Variants in SLIT1 observed in about 807,000 individuals in gnomAD.
The protein encoded by SLIT1 is slit guidance ligand 1.
A neutral mutation model predicts 186.1 loss-of-function variants in SLIT1; 66 were observed. The observed-to-expected ratio is 0.35, with a 90% CI of 0.29 to 0.44. The LOEUF (loss-of-function observed/expected upper bound fraction) is 0.44, where lower values mean the gene tolerates loss of function less well. Ranked by LOEUF, SLIT1 falls within the 20% of genes least tolerant of loss-of-function variation. The pLI, the probability that SLIT1 is intolerant of heterozygous loss-of-function variation, is 1.00. For synonymous variants in SLIT1, 761 were observed against 833.8 expected, an observed-to-expected ratio of 0.91 and a Z score of 1.50; for missense variants, 1,638 against 2,037.4, an observed-to-expected ratio of 0.80 and a Z score of 3.77.
rs1433713497 is a variant in SLIT1, at chr10:97,004,093, G to A, written c.3840C>T (p.Asn1280=). Residue 1280 remains asparagine, a synonymous_variant, in exon 34 of 37, where the codon AAC becomes AAT. Coordinates refer to ENST00000266058, the MANE Select transcript of SLIT1 (RefSeq NM_003061.3). This position sits in a 1 kb window ranked among gnomAD's most constrained non-coding sequence, Gnocchi z 5.1. The part of the protein sequence containing the change: ...MDNFGKHYTL[N]SEAPLYVGGM... ...CTCCCACATAGAGTGGCGCCTCGCTGTTGAGCGTGTAATGTTTGCCAAAGT... is the reference window on the plus strand; with the variant it reads ...CTCCCACATAGAGTGGCGCCTCGCTATTGAGCGTGTAATGTTTGCCAAAGT... The A allele has an allele frequency of 1.9e-6, 3 of 1,612,446 alleles. No homozygotes were observed. Among genetic ancestry groups the A allele is most frequent in the Middle Eastern group, 1.7e-4 (1 of 6,054 alleles).
At chr10:97,080,640 T>C (rs1280067391) in intron 4 of SLIT1, among the ~76,000 whole-genome samples, 1 of 152,200 alleles carries the variant, frequency 6.6e-6, no homozygotes, top group Non-Finnish European at 1.5e-5. Flanking sequence ...TTCACTATAG[T>C]TCAAACACCC....
At chr10:97,180,638 A>G (rs969306063) in intron 1 of SLIT1, among the ~76,000 whole-genome samples, 2 of 152,210 alleles carry the variant, frequency 1.3e-5, no homozygotes, top group Non-Finnish European at 2.9e-5. Flanking sequence ...AAACCTAGGC[A>G]GTCTGGCTTC....
chr10:97,069,210 A>G (rs1848980376), intron 4 of SLIT1, among the ~76,000 whole-genome samples: 1 of 152,240 alleles, frequency 6.6e-6, no homozygotes, highest in South Asian at 2.1e-4. Context: ...ACTGGAGCTC[A>G]TGGTCATGCG....
At chr10:97,064,113 C>T in intron 7 of SLIT1, 55 bp downstream of exon 7, 2 of 1,427,876 alleles carry the variant, frequency 1.4e-6, no homozygotes, top group Non-Finnish European at 9.7e-7. Flanking sequence ...CCCACCCACC[C>T]CCTGGCATCA....
intron 2 of SLIT1, among the ~76,000 whole-genome samples, chr10:97,164,225 C>G (rs549991884): frequency 1.7e-4 from 26 of 152,364 alleles, no homozygotes; most frequent in African/African-American, 5.8e-4. Flanking sequence ...CCTCTCCACC[C>G]GCAAGCAGGT....
chr10:97,103,899 G>A (rs1346367062), intron 4 of SLIT1, among the ~76,000 whole-genome samples: 1 of 152,122 alleles, frequency 6.6e-6, no homozygotes, highest in Non-Finnish European at 1.5e-5. Context: ...TGCAAGATGA[G>A]GATGATGACA....
At chr10:97,101,209 AGAG>A (rs1325667261) in intron 4 of SLIT1, 1 of 152,212 alleles carries the variant, frequency 6.6e-6, no homozygotes, top group Admixed American at 6.5e-5. Flanking sequence ...GAGTGTCTGC[AGAG>A]GAGAATAGAG....
chr10:97,079,054 G>T (rs1340159681), intron 4 of SLIT1, among the ~76,000 whole-genome samples: 1 of 152,180 alleles, frequency 6.6e-6, no homozygotes, highest in Non-Finnish European at 1.5e-5. Context: ...GAAAACCCTG[G>T]GCTTGACTCC....
intron 3 of SLIT1, among the ~76,000 whole-genome samples, chr10:97,162,961 C>G (rs1043677662): frequency 3.3e-5 from 5 of 152,234 alleles, no homozygotes; most frequent in African/African-American, 1.2e-4. Context: ...GTACTGTGGC[C>G]CTGTGCACCT....
intron 4 of SLIT1, among the ~76,000 whole-genome samples, chr10:97,117,198 A>G (rs560060293): frequency 6.3e-4 from 96 of 152,334 alleles, no homozygotes; most frequent in African/African-American, 2.3e-3. Context: ...TTCCAGGGAC[A>G]TGAGTTCTGA....
intron 4 of SLIT1, among the ~76,000 whole-genome samples, chr10:97,143,418 T>G (rs1398124834): frequency 6.6e-6 from 1 of 152,222 alleles, no homozygotes; most frequent in Non-Finnish European, 1.5e-5. Context: ...TCATATGAGG[T>G]ATCTAAAGTA....
intron 20 of SLIT1, among the ~76,000 whole-genome samples, chr10:97,041,813 T>G (rs992747343): frequency 1.1e-4 from 16 of 152,142 alleles, no homozygotes; most frequent in Non-Finnish European, 1.8e-4. Flanking sequence ...TGTCCTTGGT[T>G]GTTGTTGTTT....
intron 4 of SLIT1, among the ~76,000 whole-genome samples, chr10:97,136,059 G>A (rs749246938): frequency 6.6e-5 from 10 of 152,126 alleles, no homozygotes; most frequent in Non-Finnish European, 1.0e-4. Flanking sequence ...TCTGCATTTG[G>A]CATTGGTGAT....
intron 25 of SLIT1, among the ~76,000 whole-genome samples, chr10:97,023,248 A>G (rs1194728313): frequency 7.3e-6 from 1 of 137,288 alleles, no homozygotes; most frequent in Non-Finnish European, 1.5e-5. Context: ...TATTTTTAGT[A>G]GAGATGGAGG....
At chr10:97,127,083 G>T (rs1423036552) in intron 4 of SLIT1, among the ~76,000 whole-genome samples, 2 of 151,850 alleles carry the variant, frequency 1.3e-5, no homozygotes, top group Non-Finnish European at 2.9e-5. Context: ...AAGGGCAGGA[G>T]ATCGAGACCA....
chr10:97,098,226 C>CG (rs1002179159), intron 4 of SLIT1, among the ~76,000 whole-genome samples: 2 of 152,170 alleles, frequency 1.3e-5, no homozygotes, highest in Admixed American at 1.3e-4. Context: ...CGGGATGACC[C>CG]GGGGGGCTAA....
At position 97,006,584 on chromosome 10, in the gene SLIT1, G is replaced by A. The variant is rs777767671; in HGVS notation, c.3478C>T (p.Pro1160Ser). ...VCQCLPGFGGPECEKLLSVNF... is the reference protein window; with the variant it reads ...VCQCLPGFGGSECEKLLSVNF... ...ACACTGAGCAACTTCTCACACTCAG[G>A]GCCACCGAAGCCTGGGAGGCACTGG... The change falls in exon 32 of 37, where the codon CCT (proline) becomes TCT (serine). Residue 1160 changes from proline to serine, a missense_variant. Coordinates refer to ENST00000266058, the MANE Select transcript of SLIT1 (RefSeq NM_003061.3). This position sits in a 1 kb window ranked among gnomAD's most constrained non-coding sequence, Gnocchi z 4.0. The A allele has an allele frequency of 3.7e-5, 59 of 1,614,068 alleles. No individual in the cohort carries two copies. The highest frequency in any genetic ancestry group is 4.8e-5 in the Non-Finnish European group (57 of 1,180,036).
At chr10:97,158,731 T>C (rs2134721103) in intron 3 of SLIT1, among the ~76,000 whole-genome samples, 1 of 150,108 alleles carries the variant, frequency 6.7e-6, no homozygotes, top group East Asian at 2.0e-4. Flanking sequence ...AAATGCATGC[T>C]CAGCCAGGCA....
chr10:97,090,828 G>T (rs1849223228), intron 4 of SLIT1, among the ~76,000 whole-genome samples: 1 of 152,210 alleles, frequency 6.6e-6, no homozygotes, highest in African/African-American at 2.4e-5. Context: ...GCCCTGGCAG[G>T]CCCTGGCTGC....
Sources: allele counts gnomAD v4.1 joint callset (sites outside exome capture counted in the v4.1 genomes callset), GRCh38; gene constraint gnomAD v4.1.1; non-coding constraint Gnocchi (gnomAD v3.1); transcripts MANE v1.5; gene names NCBI Gene and HGNC (gene_info 2026-07-23, HGNC 2026-07-21).